The following UNC13C variants were observed in gnomAD, a reference collection of about 807,000 sequenced individuals.
The protein encoded by UNC13C is unc-13 homolog C.
Under a neutral mutation model 245.4 loss-of-function variants are expected in UNC13C, and 174 were observed. The observed-to-expected ratio is 0.71, with a 90% CI of 0.63 to 0.80. The LOEUF (loss-of-function observed/expected upper bound fraction) is 0.80, where lower values mean the gene tolerates loss of function less well. Ranked by LOEUF, UNC13C falls within the 30% of genes least tolerant of loss-of-function variation. The pLI, the probability that UNC13C is intolerant of heterozygous loss-of-function variation, is 0.00. For missense variants in UNC13C, 2,829 were observed against 2,602.9 expected, an observed-to-expected ratio of 1.09 and a Z score of -1.89; for synonymous variants, 992 against 895.1, an observed-to-expected ratio of 1.11 and a Z score of -1.93.
the UNC13C span, among the ~76,000 whole-genome samples, chr15:53,867,062 T>A: frequency 1.3e-5 from 2 of 152,196 alleles, no homozygotes; most frequent in African/African-American, 4.8e-5. Flanking sequence ...ACATCCTCAG[T>A]AACTTGGAAA....
At chr15:54,160,178 G>A (rs1483021377) in intron 4 of UNC13C, among the ~76,000 whole-genome samples, 3 of 151,844 alleles carry the variant, frequency 2.0e-5, no homozygotes, top group African/African-American at 7.3e-5. Flanking sequence ...AGCATGTTTT[G>A]CTTGGGAAAA....
chr15:53,885,125 A>G, the UNC13C span, among the ~76,000 whole-genome samples: 1 of 152,260 alleles, frequency 6.6e-6, no homozygotes, highest in African/African-American at 2.4e-5. Context: ...CAATGTGACA[A>G]GTGGATACCC....
chr15:54,485,196 A>G (rs549270490), intron 19 of UNC13C, among the ~76,000 whole-genome samples: 1 of 152,226 alleles, frequency 6.6e-6, no homozygotes, highest in Non-Finnish European at 1.5e-5. Context: ...CATTCCCAGT[A>G]AGACCTAGAA....
At chr15:54,512,475 C>T (rs888729835) in intron 24 of UNC13C, 2 of 424,470 alleles carry the variant, frequency 4.7e-6, no homozygotes, top group Non-Finnish European at 9.5e-6. Flanking sequence ...TTCCCATTTG[C>T]TTGTTTGGAA....
chr15:54,015,254 G>C lies in UNC13C; in HGVS notation c.2351G>C (p.Ser784Thr). Residue 784 changes from serine to threonine, a missense_variant, in exon 2 of 33, where the codon AGC becomes ACC. By Grantham distance (58) the Ser-to-Thr change is moderately conservative. Transcript: ENST00000260323. ...CCCAAATCATGGCATAGTCGATTAA[G>C]CATTGACCTTTCTGATAAGACTTTC... is the stretch of plus-strand genomic sequence containing the variant. The part of the protein sequence containing the change: ...APPKSWHSRL[S>T]IDLSDKTFSF... The C allele has an allele frequency of 1.2e-6, 2 of 1,613,472 alleles. No individual in the cohort carries two copies. Among genetic ancestry groups the C allele is most frequent in the Non-Finnish European group, 1.7e-6 (2 of 1,179,724 alleles).
chr15:54,239,315 A>G (rs2035790760), intron 7 of UNC13C, among the ~76,000 whole-genome samples: 1 of 152,204 alleles, frequency 6.6e-6, no homozygotes, highest in South Asian at 2.1e-4. Flanking sequence ...TACCCAGTAC[A>G]TATCAGTAAA....
At chr15:54,373,683 G>A (rs2140887075) in intron 17 of UNC13C, among the ~76,000 whole-genome samples, 1 of 152,280 alleles carries the variant, frequency 6.6e-6, no homozygotes, top group South Asian at 2.1e-4. Context: ...TTCTAGTCTG[G>A]GTTCCCCGAA....
chr15:53,863,637 A>G, the UNC13C span, among the ~76,000 whole-genome samples: 2 of 152,208 alleles, frequency 1.3e-5, no homozygotes, highest in Non-Finnish European at 2.9e-5. Context: ...AAAAGGATTG[A>G]TAATTAATAT....
chr15:54,575,767 C>T (rs12909682), intron 30 of UNC13C, among the ~76,000 whole-genome samples: 50,560 of 152,124 alleles, frequency 0.33, 8,879 homozygotes, highest in East Asian at 0.54. Context: ...GAATCCTATC[C>T]AGCAGGTCTA....
the UNC13C span, among the ~76,000 whole-genome samples, chr15:53,872,188 A>G: frequency 6.6e-6 from 1 of 152,108 alleles, no homozygotes; most frequent in African/African-American, 2.4e-5. Context: ...CCCCAGCTGC[A>G]TTTTCAGAGC....
chr15:54,495,818 G>A (rs914215054), intron 20 of UNC13C, among the ~76,000 whole-genome samples: 9 of 151,900 alleles, frequency 5.9e-5, no homozygotes, highest in African/African-American at 1.9e-4. Flanking sequence ...GGTAATGAGT[G>A]ATTTAGAGAT....
intron 2 of UNC13C, among the ~76,000 whole-genome samples, chr15:54,043,933 C>T (rs1037083922): frequency 2.6e-5 from 4 of 152,108 alleles, no homozygotes; most frequent in Non-Finnish European, 4.4e-5. Flanking sequence ...AATAAATTTA[C>T]GTAATATAAA....
the UNC13C span, among the ~76,000 whole-genome samples, chr15:53,901,649 T>C: frequency 6.6e-6 from 1 of 152,220 alleles, no homozygotes; most frequent in East Asian, 1.9e-4. Flanking sequence ...TTTTTGTATA[T>C]AAACTCTGTC....
intron 2 of UNC13C, among the ~76,000 whole-genome samples, chr15:54,124,041 T>C (rs1237643099): frequency 2.6e-5 from 4 of 152,200 alleles, no homozygotes; most frequent in African/African-American, 7.2e-5. Flanking sequence ...CATTTATTTT[T>C]ACTGCTGACT....
the UNC13C span, among the ~76,000 whole-genome samples, chr15:53,957,162 G>A: frequency 6.7e-6 from 1 of 149,910 alleles, no homozygotes; most frequent in Non-Finnish European, 1.5e-5. Context: ...TTTTTTTTGA[G>A]ACAGAGTCTC....
the UNC13C span, among the ~76,000 whole-genome samples, chr15:53,926,331 G>T: frequency 6.6e-6 from 1 of 151,892 alleles, no homozygotes; most frequent in Non-Finnish European, 1.5e-5. Context: ...ATGATCCTAG[G>T]GAAACCACTT....
chr15:54,310,646 A>G (rs1437697745), intron 13 of UNC13C, among the ~76,000 whole-genome samples: 1 of 151,786 alleles, frequency 6.6e-6, no homozygotes, highest in Non-Finnish European at 1.5e-5. Flanking sequence ...TTAAGGTCAC[A>G]GAAGACGGCT....
intron 19 of UNC13C, among the ~76,000 whole-genome samples, chr15:54,442,700 A>G (rs572742159): frequency 1.3e-5 from 2 of 152,068 alleles, no homozygotes; most frequent in Non-Finnish European, 2.9e-5. Context: ...TTTGTCTTTC[A>G]TTCTTTGATG....
intron 10 of UNC13C, 116 bp downstream of exon 10, chr15:54,265,612 T>G: frequency 1.3e-6 from 1 of 794,732 alleles, no homozygotes; most frequent in Non-Finnish European, 1.8e-6. Flanking sequence ...TACCCAAAAG[T>G]AATAAAAAAG....
Sources: gnomAD v4.1 joint callset for allele counts (sites outside exome capture counted in the v4.1 genomes callset) on GRCh38, gnomAD v4.1.1 for gene constraint, MANE v1.5 for transcripts, NCBI Gene and HGNC (gene_info 2026-07-23, HGNC 2026-07-21) for gene names.